The following DPP10 variants were observed in gnomAD, a reference collection of about 807,000 sequenced individuals.
DPP10 encodes inactive dipeptidyl peptidase 10.
In DPP10, 33 loss-of-function variants were observed where a neutral mutation model predicts 120.9. The ratio of observed to expected loss-of-function variants is 0.27; its 90% CI spans 0.21 to 0.37. DPP10 has a LOEUF of 0.37. DPP10 is among the 10% of genes least tolerant of loss of function. DPP10 has a pLI of 1.00. For synonymous variants in DPP10, 337 were observed against 326.1 expected (o/e 1.03, Z -0.36); for missense variants, 816 against 942.8 (o/e 0.87, Z 1.76).
chr2:115,212,844 G>A (rs777711222), intron 1 of DPP10, among the ~76,000 whole-genome samples: 1 of 152,024 alleles, frequency 6.6e-6, no homozygotes, highest in Non-Finnish European at 1.5e-5. Context: ...TCTTAAATGA[G>A]TTTAATATGT....
In DPP10 at chr2:115,814,796, T is replaced by A. The variant is rs145682390; in HGVS notation, c.1704T>A (p.Asp568Glu). 1 of 1,540,966 alleles carries A rather than the reference T, an allele frequency of 6.5e-7. No individual in the cohort carries two copies. Among genetic ancestry groups the A allele is most frequent in the African/African-American group, 1.3e-5 (1 of 74,118 alleles). ...RNQYALLLIMDEEPGGQLVTD... is the reference protein window; with the variant it reads ...RNQYALLLIMEEEPGGQLVTD... ...TCCAATATGTTGGTATTTGCAGGGA[T>A]GAAGAACCAGGAGGCCAGCTGGTTA... is the stretch of plus-strand genomic sequence containing the variant. Residue 568 changes from aspartate (D) to glutamate (E), a missense_variant, in exon 20 of 26, where the codon GAT (aspartate) becomes GAA (glutamate). Transcript: ENST00000410059.
chr2:115,810,252 TA>T lies in DPP10; in HGVS notation c.1701-4534del, dbSNP rs1419433370. Among the ~76,000 whole-genome samples the T allele has an allele frequency of 2.0e-5, 3 of 151,168 alleles. No individual in the cohort carries two copies. The East Asian group carries it at 5.8e-4, about 29-fold the overall frequency. On this transcript the variant is annotated intron_variant, in intron 19 of 25. Transcript: ENST00000410059. Reference sequence around the variant, plus strand: ...TAACAATGAAAACAATAAATAAAAATAAAAAAACCAATTAATTCCTCAAGGT... The same window carrying T: ...TAACAATGAAAACAATAAATAAAAATAAAAAACCAATTAATTCCTCAAGGT...
chr2:115,348,435 CTTATT>C (rs1479612348), intron 3 of DPP10, among the ~76,000 whole-genome samples: 13 of 151,860 alleles, frequency 8.6e-5, no homozygotes, highest in Admixed American at 8.5e-4. Flanking sequence ...TTTCTTTTTA[CTTATT>C]TTGTTTTTTC....
intron 1 of DPP10, among the ~76,000 whole-genome samples, chr2:114,662,613 G>C (rs149158583): frequency 6.0e-4 from 92 of 152,306 alleles, no homozygotes; most frequent in African/African-American, 2.0e-3. Flanking sequence ...CACGGTCCAG[G>C]GAGGCTGGAT....
At chr2:115,801,061 C>G (rs1308305214) in intron 19 of DPP10, among the ~76,000 whole-genome samples, 1 of 151,966 alleles carries the variant, frequency 6.6e-6, no homozygotes, top group Non-Finnish European at 1.5e-5. Flanking sequence ...TTCTTCCTAC[C>G]CATGAGCATG....
intron 5 of DPP10, among the ~76,000 whole-genome samples, chr2:115,551,876 T>G (rs1045366174): frequency 6.6e-6 from 1 of 152,102 alleles, no homozygotes; most frequent in African/African-American, 2.4e-5. Context: ...CACAGTTGGT[T>G]AAAAAAAGCT....
At chr2:115,288,061 T>A (rs1212869010) in intron 1 of DPP10, among the ~76,000 whole-genome samples, 1 of 152,146 alleles carries the variant, frequency 6.6e-6, no homozygotes, top group South Asian at 2.1e-4. Context: ...GATCAAATGG[T>A]AGTTCTACTT....
At chr2:115,382,447 C>T (rs2106480581) in intron 3 of DPP10, among the ~76,000 whole-genome samples, 1 of 152,292 alleles carries the variant, frequency 6.6e-6, no homozygotes, top group Admixed American at 6.5e-5. Flanking sequence ...CACTGACCTG[C>T]ACCCACTGTC....
intron 1 of DPP10, among the ~76,000 whole-genome samples, chr2:115,157,474 C>G (rs1481379733): frequency 2.0e-5 from 3 of 152,100 alleles, no homozygotes; most frequent in Admixed American, 6.5e-5. Flanking sequence ...GAAAGAAACT[C>G]AAAACAGAAT....
intron 1 of DPP10, among the ~76,000 whole-genome samples, chr2:114,534,605 G>A (rs1240542152): frequency 6.6e-6 from 1 of 152,062 alleles, no homozygotes; most frequent in African/African-American, 2.4e-5. Context: ...TAAACAGTCA[G>A]CATTATTTTT....
rs776747908 is a variant in DPP10 at position 115,768,260 on chromosome 2, C to A, written c.1114-37C>A. 6.3e-6 allele frequency: 10 copies of A among 1,584,008 alleles called. No individual in the cohort carries two copies. The East Asian group carries it at 1.6e-4, about 25-fold the overall frequency. Reference sequence around the variant, plus strand: ...TAGTAGGCAGCACAGATTGCATGTGCCTTTCTGAGATTGTTCTGTGCTCTT... The same window carrying A: ...TAGTAGGCAGCACAGATTGCATGTGACTTTCTGAGATTGTTCTGTGCTCTT... On this transcript the variant is annotated intron_variant, in intron 12 of 25. Coordinates refer to ENST00000410059, the MANE Select transcript of DPP10 (RefSeq NM_020868.6).
At chr2:114,688,300 A>G (rs758297469) in intron 1 of DPP10, among the ~76,000 whole-genome samples, 9 of 151,974 alleles carry the variant, frequency 5.9e-5, no homozygotes, top group Non-Finnish European at 1.3e-4. Flanking sequence ...TATAAAAAAC[A>G]TTTGAAAAAA....
intron 1 of DPP10, among the ~76,000 whole-genome samples, chr2:114,548,152 C>A (rs1260808038): frequency 6.6e-6 from 1 of 152,120 alleles, no homozygotes; most frequent in Non-Finnish European, 1.5e-5. Context: ...ATAAGTAAAA[C>A]CCTTTATAAC....
chr2:115,043,683 C>G (rs950583922), intron 1 of DPP10, among the ~76,000 whole-genome samples: 3 of 152,054 alleles, frequency 2.0e-5, no homozygotes, highest in Non-Finnish European at 1.5e-5. Flanking sequence ...AGTCAAACAT[C>G]ATGAAGGAAA....
intron 5 of DPP10, among the ~76,000 whole-genome samples, chr2:115,530,697 A>G (rs1436213193): frequency 6.6e-6 from 1 of 152,172 alleles, no homozygotes; most frequent in East Asian, 1.9e-4. Context: ...AAAATTAAAT[A>G]AAGAAATAGA....
intron 1 of DPP10, among the ~76,000 whole-genome samples, chr2:115,142,912 G>C (rs1265291596): frequency 6.6e-6 from 1 of 152,082 alleles, no homozygotes; most frequent in Non-Finnish European, 1.5e-5. Context: ...GGTGGTGGTG[G>C]GGGTGTCCTA....
chr2:115,459,714 CA>C (rs2073865518), intron 3 of DPP10, among the ~76,000 whole-genome samples: 1 of 151,586 alleles, frequency 6.6e-6, no homozygotes, highest in Admixed American at 6.6e-5. Context: ...TTGTGAGAAA[CA>C]AAAACTAAAT....
At chr2:114,861,371 A>G (rs1043352470) in intron 1 of DPP10, among the ~76,000 whole-genome samples, 7 of 152,248 alleles carry the variant, frequency 4.6e-5, no homozygotes, top group Non-Finnish European at 8.8e-5. Context: ...AGTCTACACC[A>G]TGAAGACTAT....
chr2:115,176,918 G>C (rs891777453), intron 1 of DPP10, among the ~76,000 whole-genome samples: 5 of 152,212 alleles, frequency 3.3e-5, no homozygotes, highest in Admixed American at 2.6e-4. Context: ...GCAATGCACT[G>C]TGAGCATGGC....
Sources: gnomAD v4.1 joint callset for allele counts (sites outside exome capture counted in the v4.1 genomes callset) on GRCh38, gnomAD v4.1.1 for gene constraint, MANE v1.5 for transcripts, NCBI Gene and HGNC (gene_info 2026-07-23, HGNC 2026-07-21) for gene names.